Variants in ADAM12 observed in about 807,000 individuals in gnomAD.
The protein encoded by ADAM12 is disintegrin and metalloproteinase domain-containing protein 12.
ADAM12 carries 70 observed loss-of-function variants against 106.4 expected under a neutral mutation model. The observed-to-expected ratio is 0.66, with a 90% CI of 0.54 to 0.80. The LOEUF (loss-of-function observed/expected upper bound fraction) is 0.80. Among genes scored for constraint, ADAM12 ranks in the 30% least tolerant of loss-of-function variants. ADAM12 has a pLI of 0.00. For missense variants in ADAM12, 1,010 were observed against 1,171.9 expected, an observed-to-expected ratio of 0.86 and a Z score of 2.02; for synonymous variants, 420 against 433.5, an observed-to-expected ratio of 0.97 and a Z score of 0.39.
chr10:126,343,109 T>C (rs1032697590), intron 1 of ADAM12, among the ~76,000 whole-genome samples: 34 of 152,322 alleles, frequency 2.2e-4, no homozygotes, highest in Admixed American at 3.9e-4. Context: ...TGTGCCATGT[T>C]GGTGTGCTGC....
chr10:126,115,302 C>T (rs1565068896), intron 6 of ADAM12, among the ~76,000 whole-genome samples: 1 of 152,198 alleles, frequency 6.6e-6, no homozygotes, highest in Non-Finnish European at 1.5e-5. Flanking sequence ...CCATCTTTGC[C>T]TTGCTCAGAG....
intron 3 of ADAM12, among the ~76,000 whole-genome samples, chr10:126,252,589 A>G (rs932016884): frequency 1.3e-5 from 2 of 152,174 alleles, no homozygotes; most frequent in African/African-American, 4.8e-5. Context: ...CCAGAAGAGA[A>G]AGTGGGCAAA....
intron 3 of ADAM12, among the ~76,000 whole-genome samples, chr10:126,254,409 A>G (rs56999758): frequency 0.034 from 5,133 of 152,266 alleles, 323 homozygotes; most frequent in African/African-American, 0.11. Flanking sequence ...CGGCATTGTC[A>G]CTGGCTCCAG....
chr10:126,087,058 T>C (rs937503248), intron 11 of ADAM12, among the ~76,000 whole-genome samples: 1 of 151,648 alleles, frequency 6.6e-6, no homozygotes, highest in Non-Finnish European at 1.5e-5. Context: ...ATTTAAAAAG[T>C]TCATCGATGA....
chr10:126,169,661 AT>A (rs1957084897), intron 3 of ADAM12, among the ~76,000 whole-genome samples: 1 of 152,242 alleles, frequency 6.6e-6, no homozygotes, highest in African/African-American at 2.4e-5. Context: ...AGACACGTTG[AT>A]CCTTAGAAGT....
intron 2 of ADAM12, among the ~76,000 whole-genome samples, chr10:126,324,911 G>C (rs1358560487): frequency 6.6e-6 from 1 of 151,870 alleles, no homozygotes; most frequent in South Asian, 2.1e-4. Context: ...GTTATTGTTC[G>C]TAACACCTGA....
chr10:126,086,936 G>T (rs1410560423), intron 11 of ADAM12, among the ~76,000 whole-genome samples: 1 of 151,590 alleles, frequency 6.6e-6, no homozygotes, highest in East Asian at 1.9e-4. Flanking sequence ...GGGAGGCTGA[G>T]GCAGGAGAAT....
intron 1 of ADAM12, among the ~76,000 whole-genome samples, chr10:126,338,400 C>T (rs1156819330): frequency 2.0e-5 from 3 of 151,230 alleles, no homozygotes. Flanking sequence ...CTACAGGCGC[C>T]CGCCACTACG....
chr10:126,315,924 G>A (rs896903392), intron 2 of ADAM12, among the ~76,000 whole-genome samples: 6 of 152,120 alleles, frequency 3.9e-5, no homozygotes, highest in Non-Finnish European at 7.4e-5. Flanking sequence ...GCATTCCCAC[G>A]AAGTCCACTT....
chr10:126,155,362 G>T, intron 3 of ADAM12, 57 bp from the exon 4 acceptor site: 1 of 1,465,700 alleles, frequency 6.8e-7, no homozygotes, highest in South Asian at 1.2e-5. Flanking sequence ...TTGATACATT[G>T]TTGTGAATGT....
intron 2 of ADAM12, among the ~76,000 whole-genome samples, chr10:126,319,988 C>T (rs10901590): frequency 0.16 from 24,451 of 152,084 alleles, 2,401 homozygotes; most frequent in East Asian, 0.26. Flanking sequence ...TGACCATTTA[C>T]GTGTGGTGCC....
At chr10:126,340,319 A>G (rs1162246742) in intron 1 of ADAM12, among the ~76,000 whole-genome samples, 3 of 152,250 alleles carry the variant, frequency 2.0e-5, no homozygotes, top group African/African-American at 7.2e-5. Flanking sequence ...TATTGATTAC[A>G]ACGAATGCTA....
chr10:126,099,957 T>A (rs996650915), intron 9 of ADAM12, among the ~76,000 whole-genome samples: 2 of 151,774 alleles, frequency 1.3e-5, no homozygotes, highest in Non-Finnish European at 2.9e-5. Flanking sequence ...AACATCTACT[T>A]CATACTAATT....
At chr10:126,177,328 A>G (rs1279505365) in intron 3 of ADAM12, among the ~76,000 whole-genome samples, 1 of 152,096 alleles carries the variant, frequency 6.6e-6, no homozygotes, top group African/African-American at 2.4e-5. Flanking sequence ...ATAATTACAG[A>G]ATAATGATGA....
chr10:126,224,185 C>T (rs1318608871), intron 3 of ADAM12, among the ~76,000 whole-genome samples: 1 of 151,994 alleles, frequency 6.6e-6, no homozygotes, highest in African/African-American at 2.4e-5. Flanking sequence ...CCAGAGAGGG[C>T]CTGACTTGGG....
Position 126,016,996 on chromosome 10 carries a change from AC to A in ADAM12, c.*282del. 3.1e-6 allele frequency: 1 copy of A among 321,410 alleles called. No homozygotes were observed. Among genetic ancestry groups the A allele is most frequent in the South Asian group, 8.7e-5 (1 of 11,446 alleles). 19.9% of individuals were successfully genotyped at this position (321,410 alleles called of 1,614,324 possible). ...AGTTCACTAAAATACTAAAAGCACAACAAGCCTTCCTGCCATGGAAAACTCA... is the reference window on the plus strand; with the variant it reads ...AGTTCACTAAAATACTAAAAGCACAAAAGCCTTCCTGCCATGGAAAACTCA... On this transcript the variant is annotated 3_prime_UTR_variant, in exon 23 of 23. Transcript: ENST00000448723.
At position 126,171,588 on chromosome 10, in the gene ADAM12, C is replaced by T. The variant is rs942014420; in HGVS notation, c.261-16283G>A. ...CACCTTTTCCTTGTGGCTTGTTCAC[C>T]GCTAAGTCTCCACGGTGTCTTGCGT... is the stretch of plus-strand genomic sequence containing the variant. On this transcript the variant is annotated intron_variant, in intron 3 of 22. Coordinates refer to ENST00000448723, the MANE Select transcript of ADAM12 (RefSeq NM_001288973.2). 2.2e-4 allele frequency among the ~76,000 whole-genome samples: 33 copies of T among 152,160 alleles called. 1 individual carries two copies. The highest frequency in any genetic ancestry group is 7.2e-4 in the African/African-American group (30 of 41,446).
chr10:126,035,897 G>A (rs1954050972), intron 21 of ADAM12, among the ~76,000 whole-genome samples: 1 of 151,874 alleles, frequency 6.6e-6, no homozygotes, highest in Non-Finnish European at 1.5e-5. Context: ...TTGCATGAGT[G>A]GTCTAACTAT....
rs182499483 is a variant in ADAM12, at chr10:126,262,354, A to G, written c.260+16561T>C. Among the ~76,000 whole-genome samples, 19 of 152,300 alleles carry G rather than the reference A, an allele frequency of 1.2e-4. No homozygotes were observed. The East Asian group carries it at 3.3e-3, about 26-fold the overall frequency. On this transcript the variant is annotated intron_variant, in intron 3 of 22. Transcript: ENST00000448723. ...TAGGAAAAAAAGATGCCGATTCATC[A>G]AAATATTTAGCCAAGTTTTGTCTTT...
Sources: allele counts gnomAD v4.1 joint callset (sites outside exome capture counted in the v4.1 genomes callset), GRCh38; gene constraint gnomAD v4.1.1; transcripts MANE v1.5; gene names NCBI Gene and HGNC (gene_info 2026-07-23, HGNC 2026-07-21).